Variants in LTBP1 observed in about 807,000 individuals in gnomAD.
LTBP1 encodes the protein latent transforming growth factor beta binding protein 1.
A neutral mutation model predicts 207.6 loss-of-function variants in LTBP1; 129 were observed. That is an observed-to-expected ratio of 0.62 (90% confidence interval 0.54 to 0.72). The LOEUF is 0.72. LTBP1 is among the 30% of genes least tolerant of loss of function. LTBP1 has a pLI of 0.00. For missense variants in LTBP1, 2,281 were observed against 2,217.2 expected (o/e 1.03, Z -0.58); for synonymous variants, 963 against 833.7 (o/e 1.16, Z -2.67).
chr2:33,037,821 A>G (rs2075998181), intron 3 of LTBP1, among the ~76,000 whole-genome samples: 1 of 152,204 alleles, frequency 6.6e-6, no homozygotes, highest in Non-Finnish European at 1.5e-5. Context: ...GGGCTTAAGC[A>G]ATTCTCCCAC....
chr2:33,256,733 T>C (rs1427388440), intron 11 of LTBP1, among the ~76,000 whole-genome samples: 5 of 10,640 alleles, frequency 4.7e-4, no homozygotes, highest in African/African-American at 7.9e-4. Context: ...ACTATATATA[T>C]ATATATATAT....
chr2:33,388,080 C>G (rs2095283356), intron 31 of LTBP1, among the ~76,000 whole-genome samples: 2 of 152,160 alleles, frequency 1.3e-5, no homozygotes, highest in African/African-American at 4.8e-5. Context: ...CTACAGCTTT[C>G]CTCCCTAGAC....
chr2:33,020,867 A>G (rs189549638), intron 2 of LTBP1, 42 bp from the exon 3 acceptor site: 41 of 1,522,098 alleles, frequency 2.7e-5, no homozygotes, highest in Non-Finnish European at 3.4e-5. Context: ...GAAGTCTACA[A>G]TGTTGTTCTT....
At chr2:33,130,912 G>C (rs1572772845) in intron 4 of LTBP1, among the ~76,000 whole-genome samples, 1 of 152,108 alleles carries the variant, frequency 6.6e-6, no homozygotes, top group South Asian at 2.1e-4. Context: ...TTCCTCCAAA[G>C]GACCAAGCAC....
At position 32,993,034 on chromosome 2, in the gene LTBP1, C is replaced by T. The variant is rs548957516; in HGVS notation, c.566-27875C>T. Among the ~76,000 whole-genome samples the T allele has an allele frequency of 5.9e-5, 9 of 152,086 alleles. No homozygotes were observed. In the South Asian group the frequency reaches 1.0e-3, roughly 18 times the overall value. On this transcript the variant is annotated intron_variant, in intron 2 of 33. Coordinates refer to ENST00000404816, the MANE Select transcript of LTBP1 (RefSeq NM_206943.4). ...AGAATGGTGAGTTTGGTATCGGGTG[C>T]GTTGAGGTGCTGGTGGGCCTGCAGA...
At chr2:33,192,061 A>G (rs906050483) in intron 7 of LTBP1, among the ~76,000 whole-genome samples, 4 of 152,226 alleles carry the variant, frequency 2.6e-5, no homozygotes, top group South Asian at 2.1e-4. Flanking sequence ...CCAAGCTCAC[A>G]GAGCAGAAAG....
At chr2:33,189,933 A>G (rs2087662575) in intron 7 of LTBP1, among the ~76,000 whole-genome samples, 2 of 152,118 alleles carry the variant, frequency 1.3e-5, no homozygotes, top group South Asian at 2.1e-4. Flanking sequence ...AGGCTGAGGC[A>G]GGAGAACCAC....
At chr2:33,130,065 G>A (rs1253749027) in intron 4 of LTBP1, among the ~76,000 whole-genome samples, 1 of 152,212 alleles carries the variant, frequency 6.6e-6, no homozygotes, top group Non-Finnish European at 1.5e-5. Context: ...AAGCAAGCCT[G>A]GAGAGCTGAA....
At chr2:33,314,622 G>A (rs527725751) in intron 23 of LTBP1, among the ~76,000 whole-genome samples, 1 of 152,234 alleles carries the variant, frequency 6.6e-6, no homozygotes, top group African/African-American at 2.4e-5. Context: ...ATAGATTGGA[G>A]TCTATTTCAT....
chr2:33,373,590 A>G (rs928781400), intron 31 of LTBP1, among the ~76,000 whole-genome samples: 1 of 152,182 alleles, frequency 6.6e-6, no homozygotes, highest in Non-Finnish European at 1.5e-5. Context: ...TACTCCTTTA[A>G]ATAATGCTAG....
intron 2 of LTBP1, among the ~76,000 whole-genome samples, chr2:32,976,239 G>A (rs1345065065): frequency 5.9e-5 from 9 of 152,160 alleles, no homozygotes; most frequent in African/African-American, 1.9e-4. Context: ...GGAACCTGGT[G>A]TGCTGAAGGG....
At chr2:33,160,761 G>T (rs1347724937) in intron 5 of LTBP1, among the ~76,000 whole-genome samples, 1 of 152,156 alleles carries the variant, frequency 6.6e-6, no homozygotes, top group Non-Finnish European at 1.5e-5. Flanking sequence ...GGGATAGAAG[G>T]TAGATTTTAT....
At chr2:33,300,363 T>TA in intron 20 of LTBP1, 88 bp from the exon 21 acceptor site, 2 of 1,350,182 alleles carry the variant, frequency 1.5e-6, no homozygotes, top group Non-Finnish European at 2.1e-6. Context: ...TTATTTTTGT[T>TA]ACACTAATCC....
intron 4 of LTBP1, among the ~76,000 whole-genome samples, chr2:33,122,570 A>T (rs1427035681): frequency 1.3e-5 from 2 of 152,186 alleles, no homozygotes. Flanking sequence ...CTCTTAAGGA[A>T]TTCCTAAGTT....
intron 3 of LTBP1, among the ~76,000 whole-genome samples, chr2:33,048,378 C>A (rs995936849): frequency 3.3e-5 from 5 of 152,108 alleles, no homozygotes; most frequent in Non-Finnish European, 5.9e-5. Flanking sequence ...GAGGAATAAT[C>A]CTGTTGTCTT....
At chr2:33,252,943 T>C (rs1225145213) in intron 11 of LTBP1, 99 bp downstream of exon 11, 1 of 928,964 alleles carries the variant, frequency 1.1e-6, no homozygotes. Flanking sequence ...CTGACTTTAA[T>C]TTTTAATAAT....
Position 32,947,768 on chromosome 2 carries a change from G to A in LTBP1, c.444G>A (p.Gln148=). Residue 148 remains glutamine (Q), a synonymous_variant, in exon 1 of 34, where the codon CAG becomes CAA. Transcript: ENST00000404816. ...VVRSKVPQET[Q]SGGGSRLQVH... is the part of the protein sequence containing the mutation. Reference sequence around the variant, plus strand: ...GCTCCAAGGTGCCGCAGGAGACCCAGAGCGGCGGAGGCTCTAGGCTGCAGG... The same window carrying A: ...GCTCCAAGGTGCCGCAGGAGACCCAAAGCGGCGGAGGCTCTAGGCTGCAGG... The A allele has an allele frequency of 6.6e-7, 1 of 1,518,502 alleles. No homozygotes were observed. The highest frequency in any genetic ancestry group is 8.8e-7 in the Non-Finnish European group (1 of 1,131,576). The allele number at this position is 1,518,502 out of a possible 1,614,324, so 94.1% of individuals were successfully genotyped here. A position where few individuals can be genotyped will look rare whatever the true frequency, so the allele number is the denominator to read the frequency against.
Position 33,307,478 on chromosome 2 carries a change from C to T in LTBP1, c.3482-1956C>T, listed in dbSNP as rs371225994. ...AATAAAGCACAGAGAACTACTGATACACACAGCAACTTGGGTGAATCTCAA... is the reference window on the plus strand; with the variant it reads ...AATAAAGCACAGAGAACTACTGATATACACAGCAACTTGGGTGAATCTCAA... On this transcript the variant is annotated intron_variant, in intron 22 of 33. Coordinates refer to ENST00000404816, the MANE Select transcript of LTBP1 (RefSeq NM_206943.4). Among the ~76,000 whole-genome samples the T allele has an allele frequency of 4.6e-5, 7 of 152,152 alleles. No individual in the cohort carries two copies. In the East Asian group the frequency reaches 9.6e-4, roughly 21 times the overall value.
intron 5 of LTBP1, among the ~76,000 whole-genome samples, chr2:33,176,839 G>T (rs1389102660): frequency 2.0e-5 from 3 of 152,118 alleles, no homozygotes; most frequent in Non-Finnish European, 4.4e-5. Flanking sequence ...TTGCTGATAT[G>T]CTGGTTTGCT....
Sources: allele counts gnomAD v4.1 joint callset (sites outside exome capture counted in the v4.1 genomes callset), GRCh38; gene constraint gnomAD v4.1.1; transcripts MANE v1.5; gene names NCBI Gene and HGNC (gene_info 2026-07-23, HGNC 2026-07-21).